Variants in DMD observed in about 807,000 individuals in gnomAD.
The protein encoded by DMD is mutant dystrophin.
In DMD, 63 loss-of-function variants were observed where a neutral mutation model predicts 330.1. That is an observed-to-expected ratio of 0.19 (90% CI 0.16 to 0.24). DMD has a LOEUF of 0.24. DMD is among the 10% of genes least tolerant of loss of function. DMD has a pLI of 1.00. For missense variants in DMD, 3,344 were observed against 2,684.1 expected, an observed-to-expected ratio of 1.25 and a Z score of -5.43; for synonymous variants, 1,223 against 959.8, an observed-to-expected ratio of 1.27 and a Z score of -5.07.
intron 7 of DMD, among the ~76,000 whole-genome samples, chrX:32,702,492 T>G (rs1488621540): frequency 3.6e-5 from 4 of 111,124 alleles, no homozygotes; most frequent in East Asian, 5.7e-4. Flanking sequence ...AAAACTAAGA[T>G]GAAACTGGTA....
intron 7 of DMD, among the ~76,000 whole-genome samples, chrX:32,780,311 T>G (rs1409701582): frequency 8.9e-6 from 1 of 112,333 alleles, no homozygotes; most frequent in African/African-American, 3.2e-5. Context: ...ACAGAACTAT[T>G]TAGTTCATTT....
chrX:32,949,626 A>T (rs747834206), intron 2 of DMD, among the ~76,000 whole-genome samples: 1 of 111,471 alleles, frequency 9.0e-6, no homozygotes, highest in East Asian at 2.8e-4. Context: ...TCTCCTTTAC[A>T]TTCAAAGTGT....
chrX:32,385,620 T>TAATTTTAAACCATCAAACCTCTA (rs6151281), intron 33 of DMD, among the ~76,000 whole-genome samples: 4 of 108,342 alleles, frequency 3.7e-5, no homozygotes, highest in Non-Finnish European at 7.7e-5. Context: ...CTTACTATCA[T>TAATTTTAAACCATCAAACCTCTA]AATCTATACA....
intron 12 of DMD, among the ~76,000 whole-genome samples, chrX:32,610,795 T>C (rs1346047440): frequency 9.1e-6 from 1 of 110,477 alleles, no homozygotes; most frequent in Non-Finnish European, 1.9e-5. Flanking sequence ...CAGATGGGAG[T>C]TGCTTTTGTG....
chrX:33,130,479 G>A (rs1041813890), intron 1 of DMD, among the ~76,000 whole-genome samples: 9 of 109,602 alleles, frequency 8.2e-5, no homozygotes, highest in Middle Eastern at 4.7e-3. Context: ...GGTGGGGCTT[G>A]GCCTCATTAG....
intron 1 of DMD, among the ~76,000 whole-genome samples, chrX:33,148,598 C>G (rs772425450): frequency 9.0e-6 from 1 of 111,416 alleles, no homozygotes; most frequent in South Asian, 3.7e-4. Flanking sequence ...CAGATGGATG[C>G]CATTCCTATA....
rs1183323125 is a variant in DMD at position 31,729,712 on chromosome X, A to G, written c.7579T>C (p.Leu2527=). The change falls in exon 52 of 79, where the codon TTG becomes CTG. Residue 2527 remains leucine, a synonymous_variant. Transcript: ENST00000357033. ...TGGGCAGCGGTAATGAGTTCTTCCA[A>G]CTGGGGACGCCTCTGTTCCAAATCC... ...MQDLEQRRPQ[L]EELITAAQNL... is the part of the protein sequence containing the mutation. 2 of 1,209,639 alleles carry G rather than the reference A, an allele frequency of 1.7e-6. No individual in the cohort carries two copies. The highest frequency in any genetic ancestry group is 3.0e-5 in the East Asian group (1 of 33,743).
chrX:31,601,509 A>G (rs777981446), intron 55 of DMD, among the ~76,000 whole-genome samples: 1 of 111,428 alleles, frequency 9.0e-6, no homozygotes, highest in Non-Finnish European at 1.9e-5. Flanking sequence ...GACGGGAAGC[A>G]TAACCTTTTT....
intron 45 of DMD, among the ~76,000 whole-genome samples, chrX:31,963,845 T>C (rs2095328589): frequency 9.4e-6 from 1 of 105,971 alleles, no homozygotes; most frequent in Admixed American, 1.0e-4. Flanking sequence ...TAAGATCATG[T>C]CAGATTAGGA....
At chrX:32,670,304 T>C (rs927950641) in intron 9 of DMD, among the ~76,000 whole-genome samples, 5 of 112,117 alleles carry the variant, frequency 4.5e-5, no homozygotes, top group African/African-American at 3.2e-5. Flanking sequence ...ATTAAATTAC[T>C]AGTGTTTGAC....
chrX:32,064,884 T>G (rs1436172530), intron 44 of DMD, among the ~76,000 whole-genome samples: 4 of 111,266 alleles, frequency 3.6e-5, no homozygotes, highest in Non-Finnish European at 7.6e-5. Context: ...ATAATGAAAA[T>G]TTTATTATTC....
intron 62 of DMD, among the ~76,000 whole-genome samples, chrX:31,292,437 G>A (rs753946552): frequency 8.9e-5 from 10 of 111,951 alleles, no homozygotes; most frequent in Non-Finnish European, 1.9e-4. Flanking sequence ...CTGCAATGGC[G>A]AAAATTTTAA....
chrX:32,237,693 G>C (rs1027406097), intron 43 of DMD, among the ~76,000 whole-genome samples: 7 of 111,817 alleles, frequency 6.3e-5, no homozygotes, highest in Middle Eastern at 4.6e-3. Context: ...CTACATAGAG[G>C]CATGTAAGAG....
At chrX:32,422,792 A>T (rs2098195538) in intron 29 of DMD, among the ~76,000 whole-genome samples, 1 of 111,504 alleles carries the variant, frequency 9.0e-6, no homozygotes, top group Admixed American at 9.6e-5. Flanking sequence ...TAAAAAAATA[A>T]ACATTTTCAG....
chrX:31,294,882 A>G (rs2054042097), intron 62 of DMD, among the ~76,000 whole-genome samples: 1 of 112,522 alleles, frequency 8.9e-6, no homozygotes, highest in Admixed American at 9.4e-5. Context: ...TGTTGATTGA[A>G]GAGTGCAGAT....
At chrX:31,378,534 C>T (rs182993618) in intron 60 of DMD, among the ~76,000 whole-genome samples, 61 of 110,857 alleles carry the variant, frequency 5.5e-4, no homozygotes, top group African/African-American at 1.7e-3. Flanking sequence ...TTTAATCACG[C>T]GGGGATGCCT....
intron 43 of DMD, among the ~76,000 whole-genome samples, chrX:32,250,858 C>T (rs73219284): frequency 0.099 from 11,031 of 111,087 alleles, 580 homozygotes; most frequent in Admixed American, 0.15. Context: ...TTAAAAGTAC[C>T]TCATAAAACA....
At chrX:32,750,843 T>C (rs1259681857) in intron 7 of DMD, among the ~76,000 whole-genome samples, 1 of 111,671 alleles carries the variant, frequency 9.0e-6, no homozygotes, top group African/African-American at 3.3e-5. Context: ...GGGAGGTAAC[T>C]GGATCATGGG....
intron 18 of DMD, among the ~76,000 whole-genome samples, chrX:32,509,111 C>T (rs929452178): frequency 9.5e-6 from 1 of 105,334 alleles, no homozygotes; most frequent in African/African-American, 3.5e-5. Context: ...TGCCTGGCCA[C>T]GGAAACATTT....
Sources: gnomAD v4.1 joint callset for allele counts (sites outside exome capture counted in the v4.1 genomes callset) on GRCh38, gnomAD v4.1.1 for gene constraint, MANE v1.5 for transcripts, NCBI Gene and HGNC (gene_info 2026-07-23, HGNC 2026-07-21) for gene names.